Variants in GRM5 observed in about 807,000 individuals in gnomAD.
GRM5 encodes the protein metabotropic glutamate receptor 5.
Under a neutral mutation model 83.1 loss-of-function variants are expected in GRM5, and 19 were observed. The observed-to-expected ratio is 0.23, with a 90% CI of 0.16 to 0.34. GRM5 has a LOEUF of 0.34. Among genes scored for constraint, GRM5 ranks in the 10% least tolerant of loss-of-function variants. The pLI is 1.00. For missense variants in GRM5, 1,160 were observed against 1,588.3 expected (o/e 0.73, Z 4.58); for synonymous variants, 675 against 633.6 (o/e 1.07, Z -0.98).
At chr11:88,628,645 C>T (rs1480241884) in intron 4 of GRM5, among the ~76,000 whole-genome samples, 1 of 150,510 alleles carries the variant, frequency 6.6e-6, no homozygotes. Context: ...TGTAGATTGG[C>T]ATTTACATAT....
chr11:89,060,135 C>A (rs899795285), intron 1 of GRM5, among the ~76,000 whole-genome samples: 2 of 151,990 alleles, frequency 1.3e-5, no homozygotes, highest in African/African-American at 4.8e-5. Context: ...TTTAGCCACA[C>A]CACAGAGTAA....
At chr11:88,687,051 T>C (rs1261224613) in intron 3 of GRM5, among the ~76,000 whole-genome samples, 1 of 152,168 alleles carries the variant, frequency 6.6e-6, no homozygotes, top group Admixed American at 6.5e-5. Context: ...ATCTGGCCTA[T>C]ATTTATTCAT....
chr11:88,677,912 A>G (rs1297044294), intron 3 of GRM5, among the ~76,000 whole-genome samples: 1 of 152,018 alleles, frequency 6.6e-6, no homozygotes, highest in East Asian at 1.9e-4. Flanking sequence ...CTATATTCAG[A>G]TAATTAGTTA....
At chr11:88,653,529 T>G in intron 3 of GRM5, 126 bp from the exon 4 acceptor site, 1 of 607,056 alleles carries the variant, frequency 1.6e-6, no homozygotes, top group Non-Finnish European at 2.9e-6. Context: ...GGTCCTATAT[T>G]ACACCGACAT....
At chr11:88,690,374 G>T (rs932686647) in intron 3 of GRM5, among the ~76,000 whole-genome samples, 1 of 151,858 alleles carries the variant, frequency 6.6e-6, no homozygotes, top group East Asian at 1.9e-4. Context: ...TTATGGGAAG[G>T]CATATTATAA....
At chr11:89,062,902 G>A (rs1371852224) in intron 1 of GRM5, among the ~76,000 whole-genome samples, 1 of 152,252 alleles carries the variant, frequency 6.6e-6, no homozygotes, top group Admixed American at 6.5e-5. Flanking sequence ...CCCGCCGTGG[G>A]ATAACTAGCA....
intron 2 of GRM5, among the ~76,000 whole-genome samples, chr11:88,909,206 T>C (rs1945453418): frequency 1.3e-5 from 2 of 152,104 alleles, no homozygotes; most frequent in South Asian, 4.1e-4. Context: ...AAATAGATGA[T>C]TTATAAAGCA....
rs1315800777 is a variant in GRM5 at position 88,571,772 on chromosome 11, T to C, written c.1691-3780A>G. On this transcript the variant is annotated intron_variant, in intron 7 of 9. Coordinates refer to ENST00000305447, the MANE Select transcript of GRM5 (RefSeq NM_001143831.3). ...ATCATCCTAACCTTACTTAAGGCTT[T>C]TTATAAAATATATCATCTCAAGGGC... Among the ~76,000 whole-genome samples the C allele has an allele frequency of 3.9e-5, 6 of 152,292 alleles. No individual in the cohort carries two copies. The South Asian group carries it at 6.2e-4, about 16-fold the overall frequency.
chr11:88,811,309 A>G (rs1021867513), intron 3 of GRM5, among the ~76,000 whole-genome samples: 1 of 152,170 alleles, frequency 6.6e-6, no homozygotes, highest in Non-Finnish European at 1.5e-5. Context: ...GAAAAAAGAT[A>G]CAGAGCATTA....
chr11:89,048,196 A>C (rs1591077124), intron 1 of GRM5, 124 bp from the exon 2 acceptor site: 5 of 244,434 alleles, frequency 2.0e-5, no homozygotes, highest in Admixed American at 2.0e-4. Context: ...AAAAAAATTC[A>C]AAAACGTTTC....
chr11:89,012,481 G>C (rs1940729551), intron 2 of GRM5, among the ~76,000 whole-genome samples: 1 of 152,082 alleles, frequency 6.6e-6, no homozygotes, highest in Non-Finnish European at 1.5e-5. Flanking sequence ...CATCTTTATT[G>C]TTGCAAATAG....
intron 2 of GRM5, among the ~76,000 whole-genome samples, chr11:88,884,462 C>T (rs1298558176): frequency 6.6e-6 from 1 of 152,130 alleles, no homozygotes. Context: ...CATGCCTTGT[C>T]TCAGATGAGA....
chr11:88,815,010 A>C (rs1261411054), intron 3 of GRM5, among the ~76,000 whole-genome samples: 2 of 152,204 alleles, frequency 1.3e-5, no homozygotes, highest in African/African-American at 2.4e-5. Flanking sequence ...TCTCTCAATA[A>C]CTTGACAAAA....
chr11:88,998,526 G>C (rs1234661687), intron 2 of GRM5, among the ~76,000 whole-genome samples: 1 of 152,142 alleles, frequency 6.6e-6, no homozygotes, highest in Non-Finnish European at 1.5e-5. Context: ...TTAGGAACAA[G>C]GCAAGGCTGA....
chr11:88,651,507 A>C (rs1565172142), intron 4 of GRM5, among the ~76,000 whole-genome samples: 1 of 152,068 alleles, frequency 6.6e-6, no homozygotes. Context: ...AAATCTCAAG[A>C]GAGAAAAGAA....
intron 2 of GRM5, among the ~76,000 whole-genome samples, chr11:88,942,482 T>C (rs1211208882): frequency 1.3e-5 from 2 of 152,060 alleles, no homozygotes; most frequent in African/African-American, 4.8e-5. Context: ...TTCCTTCTTC[T>C]GGGCATGAAA....
intron 2 of GRM5, among the ~76,000 whole-genome samples, chr11:88,976,061 A>G (rs959231141): frequency 6.6e-6 from 1 of 152,212 alleles, no homozygotes; most frequent in Non-Finnish European, 1.5e-5. Context: ...CTTATTTGTT[A>G]TGTTGGTTCC....
rs895623700 is a variant in GRM5 at position 88,505,772 on chromosome 11, C to T, written c.*2820G>A. The T allele has an allele frequency of 2.6e-5, 4 of 152,228 alleles. No individual in the cohort carries two copies. The highest frequency in any genetic ancestry group is 9.6e-5 in the African/African-American group (4 of 41,456). The allele number at this position is 152,228 out of a possible 1,614,324, so 9.4% of individuals were successfully genotyped here. On this transcript the variant is annotated 3_prime_UTR_variant, in exon 10 of 10. Transcript: ENST00000305447. ...ACTTTGCTGAGCCTTAGCATATCCCCTTCCTTTTAGTCATGCTGGTCCCGA... is the reference window on the plus strand; with the variant it reads ...ACTTTGCTGAGCCTTAGCATATCCCTTTCCTTTTAGTCATGCTGGTCCCGA...
At chr11:88,947,112 A>G (rs1025164819) in intron 2 of GRM5, among the ~76,000 whole-genome samples, 1 of 152,160 alleles carries the variant, frequency 6.6e-6, no homozygotes, top group Non-Finnish European at 1.5e-5. Flanking sequence ...CAAATTTTTA[A>G]TAATGTAAGT....
Sources: gnomAD v4.1 joint callset for allele counts (sites outside exome capture counted in the v4.1 genomes callset) on GRCh38, gnomAD v4.1.1 for gene constraint, MANE v1.5 for transcripts, NCBI Gene and HGNC (gene_info 2026-07-23, HGNC 2026-07-21) for gene names.